FGF12: variants seen among roughly 807,000 people sequenced by gnomAD.
FGF12 encodes the protein fibroblast growth factor 12.
A neutral mutation model predicts 23.6 loss-of-function variants in FGF12; 14 were observed. The observed-to-expected ratio is 0.59, with a 90% CI of 0.39 to 0.93. The LOEUF is 0.93. Ranked by LOEUF, FGF12 falls within the 40% of genes least tolerant of loss-of-function variation. The pLI, the probability that FGF12 is intolerant of heterozygous loss-of-function variation, is 0.00. For missense variants in FGF12, 175 were observed against 217.8 expected, an observed-to-expected ratio of 0.80 and a Z score of 1.24; for synonymous variants, 62 against 77.3, an observed-to-expected ratio of 0.80 and a Z score of 1.04.
chr3:192,387,717 C>A (rs200457855), intron 2 of FGF12, among the ~76,000 whole-genome samples: 23 of 132,420 alleles, frequency 1.7e-4, no homozygotes, highest in African/African-American at 6.5e-4. Flanking sequence ...CACACACACA[C>A]AATATATATA....
intron 4 of FGF12, among the ~76,000 whole-genome samples, chr3:192,194,653 C>T (rs777961969): frequency 6.6e-6 from 1 of 152,096 alleles, no homozygotes; most frequent in Non-Finnish European, 1.5e-5. Context: ...CAGAGTGTGT[C>T]AAGTTTTTCC....
At chr3:192,603,840 C>G (rs984250804) in intron 2 of FGF12, among the ~76,000 whole-genome samples, 1 of 152,110 alleles carries the variant, frequency 6.6e-6, no homozygotes, top group Non-Finnish European at 1.5e-5. Context: ...AACATCTTAA[C>G]AGAAAACAGG....
chr3:192,294,948 G>T (rs772272364), intron 4 of FGF12, among the ~76,000 whole-genome samples: 2 of 152,082 alleles, frequency 1.3e-5, no homozygotes, highest in Non-Finnish European at 2.9e-5. Flanking sequence ...TTGCCCATAA[G>T]ACCCTAACTT....
intron 2 of FGF12, among the ~76,000 whole-genome samples, chr3:192,402,341 A>G (rs1009532557): frequency 3.3e-5 from 5 of 152,228 alleles, no homozygotes; most frequent in African/African-American, 1.2e-4. Context: ...CCAGGAGCCT[A>G]AGCCCAGCAC....
intron 4 of FGF12, among the ~76,000 whole-genome samples, chr3:192,322,095 C>A (rs761967938): frequency 6.6e-6 from 1 of 151,982 alleles, no homozygotes; most frequent in Non-Finnish European, 1.5e-5. Context: ...ACACACAACT[C>A]TTCGAGCTGA....
intron 2 of FGF12, among the ~76,000 whole-genome samples, chr3:192,471,151 G>A (rs550911570): frequency 6.1e-4 from 93 of 152,260 alleles, no homozygotes; most frequent in South Asian, 5.6e-3. Flanking sequence ...GCCTGGCAAG[G>A]ATTAGATGCT....
chr3:192,421,025 G>T (rs1403130283), intron 2 of FGF12, among the ~76,000 whole-genome samples: 1 of 152,158 alleles, frequency 6.6e-6, no homozygotes, highest in East Asian at 1.9e-4. Flanking sequence ...AATGAAGGGG[G>T]TGGAGAGATA....
chr3:192,632,821 C>T (rs1203736560), intron 2 of FGF12, among the ~76,000 whole-genome samples: 5 of 152,182 alleles, frequency 3.3e-5, no homozygotes, highest in African/African-American at 9.6e-5. Flanking sequence ...TGCATTTTCT[C>T]ATGGTTATAG....
At chr3:192,300,243 G>C (rs1300269056) in intron 4 of FGF12, among the ~76,000 whole-genome samples, 1 of 152,144 alleles carries the variant, frequency 6.6e-6, no homozygotes, top group African/African-American at 2.4e-5. Flanking sequence ...GCCACCAGTG[G>C]TACTTACTAA....
chr3:192,670,839 C>T (rs186004300), intron 2 of FGF12, among the ~76,000 whole-genome samples: 83 of 152,174 alleles, frequency 5.5e-4, no homozygotes, highest in African/African-American at 1.9e-3. Flanking sequence ...TGAATCTCCT[C>T]GAGACTCAAG....
At chr3:192,326,845 T>A (rs1716847034) in intron 4 of FGF12, among the ~76,000 whole-genome samples, 1 of 152,226 alleles carries the variant, frequency 6.6e-6, no homozygotes, top group Non-Finnish European at 1.5e-5. Flanking sequence ...CTCACAATGC[T>A]GAGTGACCTC....
chr3:192,355,530 C>T (rs1718432744), intron 3 of FGF12, among the ~76,000 whole-genome samples: 1 of 152,138 alleles, frequency 6.6e-6, no homozygotes, highest in Admixed American at 6.5e-5. Context: ...CAAGGTTGAA[C>T]AAAGTTTGTT....
At chr3:192,527,581 T>C (rs1201115366) in intron 2 of FGF12, among the ~76,000 whole-genome samples, 1 of 152,246 alleles carries the variant, frequency 6.6e-6, no homozygotes, top group Non-Finnish European at 1.5e-5. Context: ...GCAATAATGC[T>C]TCTAGGAGCC....
At chr3:192,447,521 AT>A (rs1348946666) in intron 2 of FGF12, among the ~76,000 whole-genome samples, 1 of 152,112 alleles carries the variant, frequency 6.6e-6, no homozygotes, top group Non-Finnish European at 1.5e-5. Context: ...CATTTGATGC[AT>A]TTTTTTCTAC....
intron 2 of FGF12, among the ~76,000 whole-genome samples, chr3:192,722,021 G>A (rs1719053776): frequency 6.6e-6 from 1 of 152,144 alleles, no homozygotes; most frequent in Non-Finnish European, 1.5e-5. Context: ...TCCCTACATT[G>A]TAAGCTTTTA....
intron 4 of FGF12, among the ~76,000 whole-genome samples, chr3:192,309,289 T>G (rs572734045): frequency 6.6e-6 from 1 of 152,276 alleles, no homozygotes; most frequent in Non-Finnish European, 1.5e-5. Flanking sequence ...TCATTAAGAT[T>G]AAATTCACAA....
At chr3:192,287,085 A>G (rs1714486919) in intron 4 of FGF12, among the ~76,000 whole-genome samples, 2 of 152,122 alleles carry the variant, frequency 1.3e-5, no homozygotes, top group Admixed American at 6.6e-5. Flanking sequence ...TAAGAAAAAT[A>G]TAGCATTTGA....
intron 2 of FGF12, among the ~76,000 whole-genome samples, chr3:192,573,694 G>A (rs1446647182): frequency 1.3e-5 from 2 of 152,064 alleles, no homozygotes; most frequent in South Asian, 2.1e-4. Flanking sequence ...AGAGACCCCT[G>A]ACTAACATAA....
At chr3:192,394,911 C>A (rs1720454858) in intron 2 of FGF12, among the ~76,000 whole-genome samples, 1 of 152,182 alleles carries the variant, frequency 6.6e-6, no homozygotes, top group Non-Finnish European at 1.5e-5. Context: ...CCAATCGATA[C>A]TGTATTTCCC....
Sources: gnomAD v4.1 joint callset for allele counts (sites outside exome capture counted in the v4.1 genomes callset) on GRCh38, gnomAD v4.1.1 for gene constraint, MANE v1.5 for transcripts, NCBI Gene and HGNC (gene_info 2026-07-23, HGNC 2026-07-21) for gene names.